The following ANK2 variants were observed in gnomAD, a reference collection of about 807,000 sequenced individuals.
The protein encoded by ANK2 is ankyrin-2.
A neutral mutation model predicts 360.5 loss-of-function variants in ANK2; 83 were observed. That is an observed-to-expected ratio of 0.23 (90% confidence interval 0.19 to 0.28). The LOEUF (loss-of-function observed/expected upper bound fraction) is 0.28, where lower values mean the gene tolerates loss of function less well. Among genes scored for constraint, ANK2 ranks in the 10% least tolerant of loss-of-function variants. ANK2 has a pLI of 1.00. For missense variants in ANK2, 4,201 were observed against 4,795.7 expected, an observed-to-expected ratio of 0.88 and a Z score of 3.66; for synonymous variants, 1,740 against 1,759.5, an observed-to-expected ratio of 0.99 and a Z score of 0.28.
At chr4:112,925,040 G>A (rs1419997554) in intron 2 of ANK2, among the ~76,000 whole-genome samples, 1 of 151,800 alleles carries the variant, frequency 6.6e-6, no homozygotes, top group Admixed American at 6.6e-5. Flanking sequence ...AGGTTTCATC[G>A]TGTTAGCCAG....
In ANK2 at chr4:113,194,160, T is replaced by G. The variant is rs567819919; in HGVS notation, c.187-2208T>G. Among the ~76,000 whole-genome samples the G allele has an allele frequency of 5.9e-5, 9 of 152,258 alleles. No homozygotes were observed. In the South Asian group the frequency reaches 1.7e-3, roughly 28 times the overall value. ...GAGCACTTAGTGGGTACCTAGCAAA[T>G]GCTTATGGATTAACAAATAAATTTG... On this transcript the variant is annotated intron_variant, in intron 2 of 45. Coordinates refer to ENST00000357077, the MANE Select transcript of ANK2 (RefSeq NM_001148.6).
intron 2 of ANK2, among the ~76,000 whole-genome samples, chr4:113,182,793 C>T (rs1373605789): frequency 6.6e-6 from 1 of 151,884 alleles, no homozygotes; most frequent in Non-Finnish European, 1.5e-5. Context: ...GGATGACGGG[C>T]AGACCAAGGA....
At chr4:113,227,068 A>G (rs965004591) in intron 4 of ANK2, among the ~76,000 whole-genome samples, 1 of 152,212 alleles carries the variant, frequency 6.6e-6, no homozygotes, top group Non-Finnish European at 1.5e-5. Flanking sequence ...GTGATGATAA[A>G]TGCTTTCCTA....
At chr4:113,087,459 T>C (rs2085419214) in intron 1 of ANK2, among the ~76,000 whole-genome samples, 1 of 152,218 alleles carries the variant, frequency 6.6e-6, no homozygotes, top group African/African-American at 2.4e-5. Flanking sequence ...ATTTGTGTTA[T>C]GTTATTCTAT....
chr4:112,738,181 G>A, the ANK2 span, among the ~76,000 whole-genome samples: 9 of 152,128 alleles, frequency 5.9e-5, no homozygotes, highest in East Asian at 3.9e-4. Flanking sequence ...AGGCCGAGGC[G>A]GGCAGATCAC....
intron 1 of ANK2, among the ~76,000 whole-genome samples, chr4:113,121,280 A>G (rs1310520425): frequency 6.6e-6 from 1 of 152,172 alleles, no homozygotes; most frequent in Non-Finnish European, 1.5e-5. Context: ...TGGGATTTGA[A>G]TCCAGGTCTG....
In ANK2 at chr4:113,336,718, G is replaced by C; in HGVS notation, c.3733G>C (p.Asp1245His). The stretch of plus-strand genomic sequence containing the variant: ...CATTCCTGTCCCCAAAGCTTCAAGT[G>C]ATGTCATGTTGAATGGTTTTGGGGG... ...MTIPVPKASS[D>H]VMLNGFGGDA... Residue 1245 changes from aspartate (D) to histidine (H), a missense_variant, in exon 31 of 46, where the codon GAT (aspartate) becomes CAT (histidine). Physicochemically the swap from Asp to His is moderately conservative, Grantham distance 81. Around this residue, in one of 4 missense-constraint regions of ANK2, gnomAD observed 1,268 missense variants for 1,650.8 expected, o/e 0.77. Coordinates refer to ENST00000357077, the MANE Select transcript of ANK2 (RefSeq NM_001148.6). 1 of 1,614,074 alleles carries C rather than the reference G, an allele frequency of 6.2e-7. No individual in the cohort carries two copies. Among genetic ancestry groups the C allele is most frequent in the Non-Finnish European group, 8.5e-7 (1 of 1,179,994 alleles).
At chr4:112,805,287 A>T in the ANK2 span, among the ~76,000 whole-genome samples, 2 of 152,134 alleles carry the variant, frequency 1.3e-5, no homozygotes, top group African/African-American at 4.8e-5. Flanking sequence ...CTTTAAAAAA[A>T]TGAAATTTTA....
chr4:113,175,302 T>G (rs1217318923), intron 2 of ANK2, among the ~76,000 whole-genome samples: 1 of 152,238 alleles, frequency 6.6e-6, no homozygotes, highest in Non-Finnish European at 1.5e-5. Flanking sequence ...TGGTATATAT[T>G]GAACCCAGTT....
At chr4:112,787,623 G>T in the ANK2 span, among the ~76,000 whole-genome samples, 2 of 152,140 alleles carry the variant, frequency 1.3e-5, no homozygotes, top group African/African-American at 2.4e-5. Flanking sequence ...CACTCCATGG[G>T]TCAAGACGCA....
chr4:112,895,189 G>A (rs1192991348), intron 1 of ANK2, among the ~76,000 whole-genome samples: 1 of 152,104 alleles, frequency 6.6e-6, no homozygotes, highest in Non-Finnish European at 1.5e-5. Flanking sequence ...GGTAAGCATT[G>A]AACCACTTAG....
chr4:113,209,655 A>G (rs1200680398), intron 4 of ANK2, among the ~76,000 whole-genome samples: 3 of 151,970 alleles, frequency 2.0e-5, no homozygotes, highest in African/African-American at 7.3e-5. Flanking sequence ...CTTGCAGGTA[A>G]AGATTTTTAA....
Position 112,864,596 on chromosome 4 carries a change from C to A in ANK2, c.-39-39859C>A, listed in dbSNP as rs543307753. On this transcript the variant is annotated intron_variant, in intron 1 of 30. Transcript: ENST00000503271. ...AAGTGCTGGGATTACAGGCGTCAGC[C>A]CCGGCGCCCGGCCGGTAAGGATTTT... Among the ~76,000 whole-genome samples, 3 of 152,124 alleles carry A rather than the reference C, an allele frequency of 2.0e-5. No homozygotes were observed. In the East Asian group the frequency reaches 5.9e-4, roughly 30 times the overall value.
intron 2 of ANK2, among the ~76,000 whole-genome samples, chr4:112,986,638 C>A (rs1240558939): frequency 1.3e-5 from 2 of 152,142 alleles, no homozygotes; most frequent in Non-Finnish European, 2.9e-5. Flanking sequence ...CAACAGATAT[C>A]TTTGAAGGAG....
chr4:112,938,131 T>C (rs1393141248), intron 2 of ANK2, among the ~76,000 whole-genome samples: 1 of 152,248 alleles, frequency 6.6e-6, no homozygotes, highest in Non-Finnish European at 1.5e-5. Context: ...TGTGACTACA[T>C]GTGTCCACAA....
intron 26 of ANK2, among the ~76,000 whole-genome samples, chr4:113,329,597 A>G (rs1193113211): frequency 6.6e-6 from 1 of 152,146 alleles, no homozygotes; most frequent in Non-Finnish European, 1.5e-5. Context: ...CTTGTTCCCT[A>G]TCCACCTGCT....
rs2095795868 is a variant in ANK2 at position 113,356,601 on chromosome 4, T to C, written c.7983T>C (p.Ser2661=). Residue 2661 remains serine, a synonymous_variant, in exon 38 of 46, where the codon TCT becomes TCC. Transcript: ENST00000357077. The part of the protein sequence containing the change: ...VLVTSESRKV[S]SSSESEPELA... The stretch of plus-strand genomic sequence containing the variant: ...TAACTTCGGAGAGCAGGAAGGTGTC[T>C]TCCTCCTCAGAAAGTGAACCTGAGT... 2 of 1,614,048 alleles carry C rather than the reference T, an allele frequency of 1.2e-6. No individual in the cohort carries two copies. Among genetic ancestry groups the C allele is most frequent in the Non-Finnish European group, 1.7e-6 (2 of 1,179,976 alleles).
At chr4:112,941,587 GGATATATAAA>G (rs2094214606) in intron 2 of ANK2, among the ~76,000 whole-genome samples, 1 of 137,726 alleles carries the variant, frequency 7.3e-6, no homozygotes, top group African/African-American at 2.7e-5. Context: ...TATATAAAAA[GGATATATAAA>G]GATATATAAA....
At chr4:113,006,992 T>A (rs752794623) in intron 2 of ANK2, among the ~76,000 whole-genome samples, 2 of 152,318 alleles carry the variant, frequency 1.3e-5, no homozygotes, top group Non-Finnish European at 2.9e-5. Context: ...TCTTATCGTC[T>A]ATTTTGGAAC....
Sources: allele counts gnomAD v4.1 joint callset (sites outside exome capture counted in the v4.1 genomes callset), GRCh38; gene constraint gnomAD v4.1.1; regional missense constraint gnomAD v4.1.1; transcripts MANE v1.5; gene names NCBI Gene and HGNC (gene_info 2026-07-23, HGNC 2026-07-21).